The following RBPJ variants were observed in gnomAD, a reference collection of about 807,000 sequenced individuals.
RBPJ encodes the protein recombining binding protein suppressor of hairless.
In RBPJ, 9 loss-of-function variants were observed where a neutral mutation model predicts 67.8. That is an observed-to-expected ratio of 0.13 (90% CI 0.08 to 0.23). The LOEUF (loss-of-function observed/expected upper bound fraction) is 0.23, where lower values mean the gene tolerates loss of function less well. RBPJ is among the 10% of genes least tolerant of loss of function. The pLI, the probability that RBPJ is intolerant of heterozygous loss-of-function variation, is 1.00. For synonymous variants in RBPJ, 198 were observed against 203.3 expected, an observed-to-expected ratio of 0.97 and a Z score of 0.22; for missense variants, 305 against 595.6, an observed-to-expected ratio of 0.51 and a Z score of 5.08.
chr4:26,123,330 A>T, the RBPJ span, among the ~76,000 whole-genome samples: 1,177 of 152,306 alleles, frequency 7.7e-3, 13 homozygotes, highest in African/African-American at 0.027. Flanking sequence ...AATATTTTTT[A>T]AAAATAGTAC....
In RBPJ at chr4:26,423,311, A is replaced by C. The variant is rs1282360488; in HGVS notation, c.497-1031A>C. On this transcript the variant is annotated intron_variant, in intron 5 of 10. Transcript: ENST00000355476. ...AGGTTTCTTTCTGACCTGACTTAGGATTCCTGCTAAAGGCAGGCCAAGGTG... is the reference window on the plus strand; with the variant it reads ...AGGTTTCTTTCTGACCTGACTTAGGCTTCCTGCTAAAGGCAGGCCAAGGTG... Among the ~76,000 whole-genome samples, 3 of 152,238 alleles carry C rather than the reference A, an allele frequency of 2.0e-5. No individual in the cohort carries two copies. The South Asian group carries it at 6.2e-4, about 32-fold the overall frequency.
intron 1 of RBPJ, among the ~76,000 whole-genome samples, chr4:26,360,240 C>CGGT (rs1429739101): frequency 7.9e-5 from 12 of 152,188 alleles, no homozygotes; most frequent in African/African-American, 2.6e-4. Context: ...TATCATTTAG[C>CGGT]GGTGAATGTG....
intron 1 of RBPJ, among the ~76,000 whole-genome samples, chr4:26,342,942 A>G (rs550834084): frequency 3.3e-5 from 5 of 152,310 alleles, no homozygotes; most frequent in South Asian, 2.1e-4. Context: ...CATTCTTTCT[A>G]TTATACTGGA....
At chr4:26,386,671 T>C (rs1730950771) in intron 2 of RBPJ, among the ~76,000 whole-genome samples, 1 of 152,222 alleles carries the variant, frequency 6.6e-6, no homozygotes, top group Non-Finnish European at 1.5e-5. Flanking sequence ...CAGGTAGCTT[T>C]CTATATCTAG....
At chr4:26,320,864 G>A (rs775055668), upstream of RBPJ, 15 of 1,572,646 alleles carry the variant, frequency 9.5e-6, no homozygotes, top group Non-Finnish European at 1.2e-5. Flanking sequence ...TCTGCGGGCG[G>A]CGCGAGGCGT....
intron 1 of RBPJ, among the ~76,000 whole-genome samples, chr4:26,338,156 C>CTTTTTTT (rs773976269): frequency 6.7e-5 from 6 of 88,998 alleles, no homozygotes; most frequent in Admixed American, 1.2e-4. Flanking sequence ...ATTTTTCTTT[C>CTTTTTTT]TTTTTTTTTT....
At chr4:26,410,039 C>T (rs1733865500) in intron 3 of RBPJ, 1 of 454,418 alleles carries the variant, frequency 2.2e-6, no homozygotes, top group South Asian at 1.6e-5. Context: ...TTTTAAAAAA[C>T]AGGTGTTAGT....
the RBPJ span, among the ~76,000 whole-genome samples, chr4:26,149,990 T>C: frequency 6.6e-6 from 1 of 152,206 alleles, no homozygotes; most frequent in African/African-American, 2.4e-5. Context: ...ATTTAAAAAC[T>C]CCTGCACACT....
In RBPJ at chr4:26,396,316, A is replaced by G. The variant is rs7658107; in HGVS notation, c.60-9859A>G. Among the ~76,000 whole-genome samples, 757 of 152,336 alleles carry G rather than the reference A, an allele frequency of 5.0e-3. 10 individuals carry two copies. Among genetic ancestry groups the G allele is most frequent in the African/African-American group, 0.018 (735 of 41,580 alleles). ...AGGGTTGCAAATAAGATTCAACTTT[A>G]TTTAGACCAGTCACATGTTTATAGG... On this transcript the variant is annotated intron_variant, in intron 2 of 10. Transcript: ENST00000355476.
At chr4:26,254,948 G>A (rs557206681) in intron 1 of RBPJ, among the ~76,000 whole-genome samples, 2 of 124,848 alleles carry the variant, frequency 1.6e-5, no homozygotes, top group African/African-American at 3.7e-5. Context: ...GTGATCCACC[G>A]GCCTTGGCCT....
intron 1 of RBPJ, among the ~76,000 whole-genome samples, chr4:26,262,096 C>G (rs1720558042): frequency 6.6e-6 from 1 of 152,110 alleles, no homozygotes; most frequent in African/African-American, 2.4e-5. Context: ...CAGGTGCACA[C>G]CACCACACCC....
chr4:26,327,074 G>A (rs866927295), intron 1 of RBPJ, among the ~76,000 whole-genome samples: 4 of 152,232 alleles, frequency 2.6e-5, no homozygotes, highest in Admixed American at 6.5e-5. Flanking sequence ...ATGTCTAGCT[G>A]CTACTATCTC....
chr4:26,184,181 C>CAA (rs150415692), intron 1 of RBPJ, among the ~76,000 whole-genome samples: 4,631 of 89,608 alleles, frequency 0.052, 292 homozygotes, highest in African/African-American at 0.16. Flanking sequence ...GACTTCATCT[C>CAA]AAAAAAAAAA....
intron 5 of RBPJ, among the ~76,000 whole-genome samples, chr4:26,423,076 G>A (rs4692534): frequency 0.029 from 4,441 of 152,200 alleles, 170 homozygotes; most frequent in East Asian, 0.2. Flanking sequence ...CATTTATTTG[G>A]TATAGTTTAA....
chr4:26,117,923 T>TTA, the RBPJ span, among the ~76,000 whole-genome samples: 4,075 of 151,608 alleles, frequency 0.027, 72 homozygotes, highest in Non-Finnish European at 0.043. Context: ...ACACCACAAA[T>TTA]TATATATATA....
chr4:26,256,297 A>G (rs1349378804), intron 1 of RBPJ, among the ~76,000 whole-genome samples: 1 of 152,158 alleles, frequency 6.6e-6, no homozygotes, highest in Admixed American at 6.6e-5. Flanking sequence ...TGGAAAAAAA[A>G]AAAAAAAGAT....
chr4:26,415,741 T>C, intron 4 of RBPJ, 101 bp downstream of exon 4: 1 of 1,130,326 alleles, frequency 8.8e-7, no homozygotes, highest in South Asian at 1.6e-5. Flanking sequence ...TTAATAACTA[T>C]TGGTAACAAT....
the RBPJ span, among the ~76,000 whole-genome samples, chr4:26,106,068 C>G: frequency 2.6e-5 from 4 of 152,194 alleles, no homozygotes; most frequent in Non-Finnish European, 5.9e-5. Context: ...GGACTATCCT[C>G]TGTCATTCCA....
At chr4:26,190,647 C>G (rs1424203629) in intron 1 of RBPJ, among the ~76,000 whole-genome samples, 1 of 152,168 alleles carries the variant, frequency 6.6e-6, no homozygotes, top group Non-Finnish European at 1.5e-5. Flanking sequence ...TGTGGACAGT[C>G]TTCAGCGAGT....
Sources: gnomAD v4.1 joint callset for allele counts (sites outside exome capture counted in the v4.1 genomes callset) on GRCh38, gnomAD v4.1.1 for gene constraint, MANE v1.5 for transcripts, NCBI Gene and HGNC (gene_info 2026-07-23, HGNC 2026-07-21) for gene names.